Variants in SLC10A7 observed in about 807,000 individuals in gnomAD.
SLC10A7 encodes solute carrier family 10 member 7.
A neutral mutation model predicts 43.2 loss-of-function variants in SLC10A7; 29 were observed. The observed-to-expected ratio is 0.67, with a 90% CI of 0.50 to 0.92. The LOEUF (loss-of-function observed/expected upper bound fraction) is 0.92, where lower values mean the gene tolerates loss of function less well. Ranked by LOEUF, SLC10A7 falls within the 40% of genes least tolerant of loss-of-function variation. The probability of loss-of-function intolerance (pLI) is 0.00; values close to 1 mark genes in which losing one functional copy is unlikely to be tolerated. For synonymous variants in SLC10A7, 152 were observed against 144.8 expected, an observed-to-expected ratio of 1.05 and a Z score of -0.35; for missense variants, 295 against 403.2, an observed-to-expected ratio of 0.73 and a Z score of 2.30.
intron 1 of SLC10A7, 152 bp downstream of exon 1, chr4:146,521,466 T>C (rs960741602): frequency 1.6e-6 from 1 of 627,262 alleles, no homozygotes; most frequent in Non-Finnish European, 2.8e-6. Flanking sequence ...CTGGGGTTGG[T>C]AAATTAGAAA....
chr4:146,502,783 T>C lies in SLC10A7; in HGVS notation c.396+1066A>G, dbSNP rs1381830239. ...ATTTTAAAAAAGAGCACAAACTGTGTAATTCCATTGCATAAAACTCTAAAA... is the reference window on the plus strand; with the variant it reads ...ATTTTAAAAAAGAGCACAAACTGTGCAATTCCATTGCATAAAACTCTAAAA... On this transcript the variant is annotated intron_variant, in intron 4 of 11. Transcript: ENST00000335472. Among the ~76,000 whole-genome samples the C allele has an allele frequency of 5.9e-5, 9 of 152,190 alleles. No individual in the cohort carries two copies. The East Asian group carries it at 1.7e-3, about 29-fold the overall frequency.
At chr4:146,425,877 G>T (rs1465411806) in intron 5 of SLC10A7, among the ~76,000 whole-genome samples, 2 of 152,174 alleles carry the variant, frequency 1.3e-5, no homozygotes, top group Non-Finnish European at 1.5e-5. Flanking sequence ...TAGCCTGATA[G>T]AATCACACTT....
chr4:146,459,629 G>C (rs13435029), intron 4 of SLC10A7, among the ~76,000 whole-genome samples: 122,647 of 149,942 alleles, frequency 0.82, 50,776 homozygotes, highest in African/African-American at 0.93. Context: ...AAAAAAAAAC[G>C]AAAAACTCTG....
chr4:146,441,788 A>C, intron 5 of SLC10A7: 1 of 985,286 alleles, frequency 1.0e-6, no homozygotes, highest in Non-Finnish European at 1.2e-6. Context: ...ACATCATTAT[A>C]AACTCTGTAA....
intron 9 of SLC10A7, among the ~76,000 whole-genome samples, chr4:146,290,323 C>CAAAAA (rs752381573): frequency 2.4e-5 from 1 of 42,532 alleles, no homozygotes; most frequent in Non-Finnish European, 4.2e-5. Flanking sequence ...GACTCCATCT[C>CAAAAA]AAAAAAGAAA....
chr4:146,306,167 A>G (rs546416312), intron 6 of SLC10A7, among the ~76,000 whole-genome samples, 158 bp from the exon 7 acceptor site: 1 of 152,292 alleles, frequency 6.6e-6, no homozygotes, highest in African/African-American at 2.4e-5. Flanking sequence ...TCTAAGTTCA[A>G]CACAAAAAAC....
chr4:146,262,569 C>T (rs886482160), intron 10 of SLC10A7, among the ~76,000 whole-genome samples: 2 of 152,244 alleles, frequency 1.3e-5, no homozygotes, highest in Non-Finnish European at 2.9e-5. Flanking sequence ...CTTTTGTCCT[C>T]ATCACTCACT....
chr4:146,320,184 G>A (rs1453405583), intron 6 of SLC10A7, among the ~76,000 whole-genome samples: 1 of 152,096 alleles, frequency 6.6e-6, no homozygotes, highest in Non-Finnish European at 1.5e-5. Flanking sequence ...AATTTCAAAT[G>A]AGACCAGTCA....
chr4:146,515,227 A>T, intron 2 of SLC10A7: 1 of 699,032 alleles, frequency 1.4e-6, no homozygotes, highest in East Asian at 2.7e-5. Flanking sequence ...TTAAGCAGCC[A>T]CCAGGGGACA....
At chr4:146,429,928 A>T (rs1373700134) in intron 5 of SLC10A7, among the ~76,000 whole-genome samples, 3 of 152,200 alleles carry the variant, frequency 2.0e-5, no homozygotes, top group African/African-American at 7.2e-5. Context: ...TAAAAATTTT[A>T]AAATTCTATA....
intron 4 of SLC10A7, among the ~76,000 whole-genome samples, chr4:146,463,991 T>A (rs957916495): frequency 3.3e-5 from 5 of 151,598 alleles, no homozygotes; most frequent in Admixed American, 2.0e-4. Context: ...CCTAGCTAAT[T>A]TTTTTTTATA....
At chr4:146,360,175 C>T (rs1181865132) in intron 5 of SLC10A7, among the ~76,000 whole-genome samples, 1 of 152,098 alleles carries the variant, frequency 6.6e-6, no homozygotes, top group Admixed American at 6.6e-5. Flanking sequence ...ATATTTGCTT[C>T]TCCTTATTCT....
chr4:146,257,275 G>A (rs78915937), intron 11 of SLC10A7, among the ~76,000 whole-genome samples: 9,611 of 152,308 alleles, frequency 0.063, 424 homozygotes, highest in South Asian at 0.21. Context: ...CTCCGAGTAG[G>A]AGGCTCAGAG....
At chr4:146,390,487 G>A (rs566234676) in intron 5 of SLC10A7, among the ~76,000 whole-genome samples, 1 of 151,932 alleles carries the variant, frequency 6.6e-6, no homozygotes, top group African/African-American at 2.4e-5. Flanking sequence ...AAAATTAGCC[G>A]GGTGTGGAGG....
intron 6 of SLC10A7, among the ~76,000 whole-genome samples, chr4:146,321,671 A>C (rs1185782055): frequency 6.6e-6 from 1 of 152,096 alleles, no homozygotes; most frequent in Non-Finnish European, 1.5e-5. Context: ...TCCTGGGCTC[A>C]AGTGATCCTC....
At chr4:146,355,295 T>C (rs1469810481) in intron 5 of SLC10A7, among the ~76,000 whole-genome samples, 4 of 152,136 alleles carry the variant, frequency 2.6e-5, no homozygotes, top group African/African-American at 9.7e-5. Flanking sequence ...AAAATGCTCA[T>C]CATCACTGGC....
chr4:146,392,352 T>TA (rs1738496414), intron 5 of SLC10A7, among the ~76,000 whole-genome samples: 1 of 152,138 alleles, frequency 6.6e-6, no homozygotes, highest in South Asian at 2.1e-4. Flanking sequence ...TGCCATAATT[T>TA]AAAAAACATT....
chr4:146,516,212 A>G (rs1024876792), intron 2 of SLC10A7, among the ~76,000 whole-genome samples: 12 of 152,048 alleles, frequency 7.9e-5, no homozygotes, highest in Admixed American at 5.9e-4. Context: ...AATTTCTTCA[A>G]GACCAAATGG....
intron 5 of SLC10A7, among the ~76,000 whole-genome samples, chr4:146,349,392 A>G (rs865889903): frequency 1.3e-5 from 2 of 152,338 alleles, no homozygotes; most frequent in Admixed American, 6.5e-5. Context: ...AAAAGGGAAC[A>G]CTGGTACACT....
Sources: allele counts gnomAD v4.1 joint callset (sites outside exome capture counted in the v4.1 genomes callset), GRCh38; gene constraint gnomAD v4.1.1; transcripts MANE v1.5; gene names NCBI Gene and HGNC (gene_info 2026-07-23, HGNC 2026-07-21).